LGR6: variants seen among roughly 807,000 people sequenced by gnomAD.
LGR6 encodes leucine-rich repeat-containing G protein-coupled receptor 6.
A neutral mutation model predicts 69.4 loss-of-function variants in LGR6; 45 were observed. The ratio of observed to expected loss-of-function variants is 0.65; its 90% CI spans 0.51 to 0.83. LGR6 has a LOEUF of 0.83. LGR6 is among the 40% of genes least tolerant of loss of function. The pLI is 0.00. For synonymous variants in LGR6, 538 were observed against 555.0 expected, an observed-to-expected ratio of 0.97 and a Z score of 0.43; for missense variants, 1,108 against 1,246.7, an observed-to-expected ratio of 0.89 and a Z score of 1.68.
intron 4 of LGR6, among the ~76,000 whole-genome samples, chr1:202,273,310 T>G (rs1665260285): frequency 6.6e-6 from 1 of 152,174 alleles, no homozygotes; most frequent in Admixed American, 6.5e-5. Context: ...ACTGCCCCTC[T>G]TAGGGAGTCA....
intron 1 of LGR6, among the ~76,000 whole-genome samples, chr1:202,204,425 C>A (rs1307687637): frequency 9.8e-6 from 1 of 102,168 alleles, no homozygotes; most frequent in African/African-American, 3.5e-5. Flanking sequence ...ACACACACAC[C>A]TCCAAACACA....
intron 1 of LGR6, among the ~76,000 whole-genome samples, chr1:202,202,888 G>A (rs764191285): frequency 2.0e-5 from 3 of 152,160 alleles, no homozygotes; most frequent in Non-Finnish European, 4.4e-5. Context: ...GAGTGTCCCC[G>A]AGAGTGTCCA....
intron 4 of LGR6, 64 bp downstream of exon 4, chr1:202,236,057 G>T: frequency 7.2e-7 from 1 of 1,384,930 alleles, no homozygotes; most frequent in Non-Finnish European, 1.0e-6. Flanking sequence ...ACAGCCCAGG[G>T]CCCCCTGCCT....
chr1:202,244,717 T>C (rs78139363), intron 4 of LGR6, among the ~76,000 whole-genome samples: 1 of 152,140 alleles, frequency 6.6e-6, no homozygotes, highest in Admixed American at 6.5e-5. Context: ...TTCTAAATAA[T>C]GTCCCATTTA....
intron 5 of LGR6, among the ~76,000 whole-genome samples, chr1:202,280,170 C>T (rs1665895628): frequency 6.6e-6 from 1 of 152,082 alleles, no homozygotes; most frequent in South Asian, 2.1e-4. Flanking sequence ...AGCTGCATCA[C>T]TTCGGGTCCC....
At chr1:202,312,951 G>A (rs771868619) in intron 16 of LGR6, among the ~76,000 whole-genome samples, 6 of 152,098 alleles carry the variant, frequency 3.9e-5, no homozygotes, top group East Asian at 3.8e-4. Flanking sequence ...GTGTAAGGCC[G>A]GGCACGGTGG....
chr1:202,293,126 AATGTTATC>A (rs1666910579), intron 6 of LGR6, among the ~76,000 whole-genome samples: 1 of 152,166 alleles, frequency 6.6e-6, no homozygotes, highest in Non-Finnish European at 1.5e-5. Context: ...GTGCTCAACC[AATGTTATC>A]ATATGGATGA....
intron 4 of LGR6, among the ~76,000 whole-genome samples, chr1:202,236,838 A>G (rs115057495): frequency 0.012 from 1,845 of 152,246 alleles, 39 homozygotes; most frequent in African/African-American, 0.041. Flanking sequence ...GTGTCCGAAC[A>G]AAGGCCTCTC....
intron 4 of LGR6, among the ~76,000 whole-genome samples, chr1:202,258,100 C>T (rs1269216497): frequency 6.6e-6 from 1 of 151,674 alleles, no homozygotes; most frequent in Non-Finnish European, 1.5e-5. Context: ...TTCTTAATTT[C>T]TTTTTTTGGA....
At chr1:202,312,324 T>C (rs1045075180) in intron 16 of LGR6, among the ~76,000 whole-genome samples, 1 of 152,214 alleles carries the variant, frequency 6.6e-6, no homozygotes, top group African/African-American at 2.4e-5. Context: ...GTTTCATTCA[T>C]GCATTTTGAT....
At chr1:202,215,830 A>G (rs986144936) in intron 1 of LGR6, among the ~76,000 whole-genome samples, 2 of 152,358 alleles carry the variant, frequency 1.3e-5, no homozygotes, top group East Asian at 3.9e-4. Flanking sequence ...AGCTACATGA[A>G]TGAGCAGTCT....
intron 5 of LGR6, 150 bp from the exon 6 acceptor site, chr1:202,280,631 C>G: frequency 1.4e-6 from 1 of 737,330 alleles, no homozygotes; most frequent in Admixed American, 2.0e-5. Flanking sequence ...CTTGGCCAGT[C>G]AGTTTGTTCC....
chr1:202,206,100 C>T (rs1437201038), intron 1 of LGR6, among the ~76,000 whole-genome samples: 2 of 152,274 alleles, frequency 1.3e-5, no homozygotes, highest in African/African-American at 4.8e-5. Flanking sequence ...TCTGGGGCAA[C>T]CCAGGGTTGG....
In LGR6 at chr1:202,318,535, C is replaced by T. The variant is rs1483207568; in HGVS notation, c.2232C>T (p.Phe744=). The change falls in exon 18 of 18, where the codon TTC becomes TTT. Residue 744 remains phenylalanine (F), a synonymous_variant. Coordinates refer to ENST00000367278, the MANE Select transcript of LGR6 (RefSeq NM_001017403.2). ...TGGTGATGATGAACTCCTTCTGTTT[C>T]CTGGTCGTGGCCGGTGCCTACATCA... The part of the protein sequence containing the change: ...VALVMMNSFC[F]LVVAGAYIKL... 6.2e-7 allele frequency: 1 copy of T among 1,614,164 alleles called. No individual in the cohort carries two copies. Among genetic ancestry groups the T allele is most frequent in the Admixed American group, 1.7e-5 (1 of 60,030 alleles).
rs553841474 is a variant in LGR6, at chr1:202,257,088, C to T, written c.429-19218C>T. 2.6e-5 allele frequency among the ~76,000 whole-genome samples: 4 copies of T among 152,202 alleles called. No individual in the cohort carries two copies. In the South Asian group the frequency reaches 8.3e-4, roughly 32 times the overall value. The stretch of plus-strand genomic sequence containing the variant: ...TTTTCATTGTTGAGTTGTCACAATT[C>T]TTTATATATTAAAGACATAAGTCCC... On this transcript the variant is annotated intron_variant, in intron 4 of 17. Coordinates refer to ENST00000367278, the MANE Select transcript of LGR6 (RefSeq NM_001017403.2).
chr1:202,253,566 G>A (rs1271811279), intron 4 of LGR6, among the ~76,000 whole-genome samples: 2 of 150,354 alleles, frequency 1.3e-5, no homozygotes, highest in Admixed American at 1.3e-4. Flanking sequence ...GCCTCCCAAA[G>A]TGCTGGGACT....
At chr1:202,308,838 A>T (rs552151770) in intron 14 of LGR6, among the ~76,000 whole-genome samples, 1 of 152,302 alleles carries the variant, frequency 6.6e-6, no homozygotes, top group South Asian at 2.1e-4. Context: ...TGAATGAGCA[A>T]ATAAAAGAAT....
chr1:202,314,039 C>T (rs1268078481), intron 16 of LGR6, among the ~76,000 whole-genome samples: 1 of 152,192 alleles, frequency 6.6e-6, no homozygotes, highest in Non-Finnish European at 1.5e-5. Flanking sequence ...CTACTCTGCA[C>T]CTGTTGAAGG....
At chr1:202,293,108 CACAG>C (rs35298828) in intron 6 of LGR6, among the ~76,000 whole-genome samples, 73,277 of 151,774 alleles carry the variant, frequency 0.48, 18,613 homozygotes, top group East Asian at 0.7. Context: ...GTGGCTGGCA[CACAG>C]ACAGTGCTCA....
Sources: allele counts gnomAD v4.1 joint callset (sites outside exome capture counted in the v4.1 genomes callset), GRCh38; gene constraint gnomAD v4.1.1; transcripts MANE v1.5; gene names NCBI Gene and HGNC (gene_info 2026-07-23, HGNC 2026-07-21).